Variants in SEMA3C observed in about 807,000 individuals in gnomAD.
SEMA3C encodes the protein semaphorin 3C.
A neutral mutation model predicts 89.4 loss-of-function variants in SEMA3C; 47 were observed. That is an observed-to-expected ratio of 0.53 (90% confidence interval 0.42 to 0.67). The LOEUF (loss-of-function observed/expected upper bound fraction) is 0.67, where lower values mean the gene tolerates loss of function less well. Among genes scored for constraint, SEMA3C ranks in the 30% least tolerant of loss-of-function variants. SEMA3C has a pLI of 0.00. For missense variants in SEMA3C, 839 were observed against 929.1 expected (o/e 0.90, Z 1.26); for synonymous variants, 310 against 320.2 (o/e 0.97, Z 0.34).
intron 2 of SEMA3C, among the ~76,000 whole-genome samples, chr7:80,914,597 T>C (rs886937799): frequency 1.3e-5 from 2 of 152,166 alleles, no homozygotes; most frequent in African/African-American, 4.8e-5. Context: ...TTTTAAACAG[T>C]ATTCAAAACA....
intron 12 of SEMA3C, among the ~76,000 whole-genome samples, chr7:80,770,092 T>C (rs536271316): frequency 2.6e-5 from 4 of 152,276 alleles, no homozygotes; most frequent in East Asian, 3.9e-4. Flanking sequence ...TTTTCACTCA[T>C]TGATTCAACA....
chr7:80,761,538 C>G (rs1788182435), intron 14 of SEMA3C, 78 bp downstream of exon 14: 1 of 777,704 alleles, frequency 1.3e-6, no homozygotes, highest in Admixed American at 3.0e-5. Context: ...ACTAATTATT[C>G]AGAAGTTATA....
At chr7:80,864,390 A>G (rs1790877398) in intron 2 of SEMA3C, among the ~76,000 whole-genome samples, 1 of 152,150 alleles carries the variant, frequency 6.6e-6, no homozygotes, top group African/African-American at 2.4e-5. Flanking sequence ...ATAACTTATG[A>G]AAAAATAAAA....
chr7:80,805,200 G>A (rs775433267), intron 7 of SEMA3C, among the ~76,000 whole-genome samples: 2 of 152,000 alleles, frequency 1.3e-5, no homozygotes, highest in African/African-American at 4.8e-5. Context: ...AAAACAAAAA[G>A]AGAGGAGGCC....
At chr7:80,919,333 C>T, upstream of SEMA3C, 10 of 985,346 alleles carry the variant, frequency 1.0e-5, no homozygotes, top group Non-Finnish European at 9.6e-6. Context: ...GCTCCGCAAC[C>T]CTGCTCCTTT....
intron 6 of SEMA3C, among the ~76,000 whole-genome samples, chr7:80,807,162 C>A (rs561722141): frequency 6.6e-6 from 1 of 152,042 alleles, no homozygotes; most frequent in Admixed American, 6.5e-5. Flanking sequence ...TAAATTGTGG[C>A]AACTTTGTAA....
At chr7:80,756,527 T>G (rs1016286156) in intron 15 of SEMA3C, among the ~76,000 whole-genome samples, 2 of 152,198 alleles carry the variant, frequency 1.3e-5, no homozygotes, top group Admixed American at 6.5e-5. Flanking sequence ...ATCATTCACA[T>G]GGTCACAGCT....
Position 80,748,952 on chromosome 7 carries a change from A to C in SEMA3C, c.1788T>G (p.Ser596=). The change falls in exon 17 of 18, where the codon TCT becomes TCG. Residue 596 remains serine, a synonymous_variant. Transcript: ENST00000265361. ...ACAGCCACTTGATAGATGCCTGCGG[A>C]GACTTGGGGGCACACTCCAGAAAAG... is the stretch of plus-strand genomic sequence containing the variant. ...NTTFLECAPK[S]PQASIKWLLQ... The C allele has an allele frequency of 6.2e-7, 1 of 1,613,324 alleles. No individual in the cohort carries two copies. Among genetic ancestry groups the C allele is most frequent in the Non-Finnish European group, 8.5e-7 (1 of 1,179,646 alleles).
At chr7:80,840,231 G>A (rs775396670) in intron 2 of SEMA3C, among the ~76,000 whole-genome samples, 5 of 151,986 alleles carry the variant, frequency 3.3e-5, no homozygotes, top group Non-Finnish European at 4.4e-5. Flanking sequence ...TCAATAGATG[G>A]TAAAAAGGCC....
intron 2 of SEMA3C, among the ~76,000 whole-genome samples, chr7:80,889,086 C>T (rs1791550367): frequency 3.9e-5 from 6 of 152,190 alleles, no homozygotes. Flanking sequence ...TGGTCTCCAA[C>T]TCCCCACCTC....
intron 2 of SEMA3C, among the ~76,000 whole-genome samples, chr7:80,832,038 G>GAGAT (rs1452554107): frequency 6.6e-6 from 1 of 152,178 alleles, no homozygotes; most frequent in Non-Finnish European, 1.5e-5. Context: ...TCTTCAGGTA[G>GAGAT]AGATGTTCAG....
intron 2 of SEMA3C, among the ~76,000 whole-genome samples, chr7:80,899,176 G>A (rs996964495): frequency 4.6e-5 from 7 of 152,104 alleles, no homozygotes; most frequent in Admixed American, 2.0e-4. Flanking sequence ...GAGTAGCTGC[G>A]ATTACAGGCG....
At chr7:80,838,017 A>C (rs1790173243) in intron 2 of SEMA3C, among the ~76,000 whole-genome samples, 1 of 152,088 alleles carries the variant, frequency 6.6e-6, no homozygotes, top group Non-Finnish European at 1.5e-5. Flanking sequence ...TGCTATATTG[A>C]TTTTTATTAT....
At chr7:80,891,423 T>C (rs1351299817) in intron 2 of SEMA3C, among the ~76,000 whole-genome samples, 1 of 152,054 alleles carries the variant, frequency 6.6e-6, no homozygotes, top group Non-Finnish European at 1.5e-5. Context: ...GAAGAGCTTA[T>C]CTTCTCCATC....
chr7:80,832,486 C>T (rs974456844), intron 2 of SEMA3C, among the ~76,000 whole-genome samples: 3 of 152,096 alleles, frequency 2.0e-5, no homozygotes, highest in African/African-American at 7.2e-5. Context: ...GACAACCATA[C>T]TGGCCCCATT....
intron 4 of SEMA3C, 67 bp from the exon 5 acceptor site, chr7:80,818,485 T>A: frequency 6.5e-7 from 1 of 1,534,652 alleles, no homozygotes. Context: ...GTTAGCTATG[T>A]TAACCTGAGA....
intron 2 of SEMA3C, among the ~76,000 whole-genome samples, chr7:80,888,663 T>C (rs888260609): frequency 1.2e-4 from 18 of 152,150 alleles, no homozygotes. Flanking sequence ...ATTTATGTCA[T>C]TACTTCTGTT....
At chr7:80,761,729 T>C (rs929518311) in intron 13 of SEMA3C, 72 bp from the exon 14 acceptor site, 9 of 814,078 alleles carry the variant, frequency 1.1e-5, no homozygotes, top group Admixed American at 6.1e-5. Context: ...AGATTTTTTT[T>C]CTATTAAATC....
chr7:80,792,197 A>T (rs892260086), intron 11 of SEMA3C, among the ~76,000 whole-genome samples: 10 of 152,218 alleles, frequency 6.6e-5, no homozygotes, highest in East Asian at 5.8e-4. Flanking sequence ...AGGACAAAAA[A>T]TTTAATTTGA....
Sources: gnomAD v4.1 joint callset for allele counts (sites outside exome capture counted in the v4.1 genomes callset) on GRCh38, gnomAD v4.1.1 for gene constraint, MANE v1.5 for transcripts, NCBI Gene and HGNC (gene_info 2026-07-23, HGNC 2026-07-21) for gene names.